The following AKT3 variants were observed in gnomAD, a reference collection of about 807,000 sequenced individuals.
AKT3 encodes AKT serine/threonine kinase 3, also known as RAC-gamma serine/threonine-protein kinase.
A neutral mutation model predicts 65.3 loss-of-function variants in AKT3; 15 were observed. The observed-to-expected ratio is 0.23, with a 90% confidence interval of 0.15 to 0.35. AKT3 has a LOEUF of 0.35. Among genes scored for constraint, AKT3 ranks in the 10% least tolerant of loss-of-function variants. The pLI is 1.00. For synonymous variants in AKT3, 206 were observed against 183.8 expected (o/e 1.12, Z -0.98); for missense variants, 243 against 576.5 (o/e 0.42, Z 5.92).
At chr1:243,615,225 A>G (rs2148607896) in intron 6 of AKT3, 64 bp from the exon 7 acceptor site, 1 of 1,280,546 alleles carries the variant, frequency 7.8e-7, no homozygotes, top group Non-Finnish European at 1.1e-6. Context: ...TAATTTCACT[A>G]TTTCTCTAAA....
intron 2 of AKT3, chr1:243,735,648 A>G (rs1341216910): frequency 6.6e-6 from 1 of 152,160 alleles, no homozygotes; most frequent in Admixed American, 6.5e-5. Context: ...TCTTACTATC[A>G]GTCATCACCA....
chr1:243,544,572 T>G (rs1303571151), intron 12 of AKT3, among the ~76,000 whole-genome samples: 1 of 152,108 alleles, frequency 6.6e-6, no homozygotes, highest in African/African-American at 2.4e-5. Context: ...GCTGTGATCG[T>G]GCCGTGCCAC....
At chr1:243,755,938 A>ATT (rs1392160951) in intron 2 of AKT3, among the ~76,000 whole-genome samples, 8 of 152,234 alleles carry the variant, frequency 5.3e-5, no homozygotes, top group Non-Finnish European at 1.2e-4. Flanking sequence ...AAGCTAGGAG[A>ATT]AAAGGGTCAA....
downstream of AKT3, among the ~76,000 whole-genome samples, chr1:243,494,927 CTTTATT>C (rs909828873): frequency 5.9e-5 from 9 of 152,228 alleles, no homozygotes; most frequent in Non-Finnish European, 1.2e-4. Context: ...TCAGTGTTGT[CTTTATT>C]TTTAACACTT....
chr1:243,708,777 A>G (rs991033143), intron 2 of AKT3, among the ~76,000 whole-genome samples: 2 of 152,034 alleles, frequency 1.3e-5, no homozygotes, highest in African/African-American at 4.8e-5. Context: ...TAAATATACA[A>G]TCTTTCAGTA....
At chr1:243,606,776 C>G (rs1176586357) in intron 8 of AKT3, among the ~76,000 whole-genome samples, 1 of 152,208 alleles carries the variant, frequency 6.6e-6, no homozygotes, top group East Asian at 1.9e-4. Context: ...GCCCAGAGGC[C>G]TAGGAGGGAA....
intron 12 of AKT3, among the ~76,000 whole-genome samples, chr1:243,545,308 G>C (rs910974315): frequency 1.3e-5 from 2 of 152,134 alleles, no homozygotes; most frequent in Non-Finnish European, 2.9e-5. Flanking sequence ...TGATCATGTT[G>C]AGCAAAATCT....
At chr1:243,513,243 C>T (rs1408728341) in intron 12 of AKT3, among the ~76,000 whole-genome samples, 1 of 152,158 alleles carries the variant, frequency 6.6e-6, no homozygotes, top group Non-Finnish European at 1.5e-5. Context: ...TCCTGCTTCT[C>T]AGGGCTCTAG....
intron 8 of AKT3, among the ~76,000 whole-genome samples, chr1:243,579,623 C>G (rs927915175): frequency 1.3e-5 from 2 of 152,068 alleles, no homozygotes; most frequent in Admixed American, 1.3e-4. Flanking sequence ...TGAGGTGAGC[C>G]AAGGTATTAT....
intron 12 of AKT3, among the ~76,000 whole-genome samples, chr1:243,527,471 C>A (rs1671186637): frequency 6.6e-6 from 1 of 152,228 alleles, no homozygotes; most frequent in African/African-American, 2.4e-5. Context: ...TTATATAATA[C>A]TTATATAATT....
chr1:243,613,166 T>C, intron 8 of AKT3: 1 of 121,356 alleles, frequency 8.2e-6, no homozygotes, highest in East Asian at 2.2e-4. Flanking sequence ...TATACACATA[T>C]ATATACACCC....
intron 2 of AKT3, among the ~76,000 whole-genome samples, chr1:243,767,090 A>G (rs960923554): frequency 6.6e-6 from 1 of 152,196 alleles, no homozygotes; most frequent in African/African-American, 2.4e-5. Context: ...CCATGACAGC[A>G]GAAGAGCTAA....
intron 4 of AKT3, among the ~76,000 whole-genome samples, chr1:243,662,009 C>A (rs1432001271): frequency 6.9e-6 from 1 of 144,728 alleles, no homozygotes. Context: ...CAATGAGATA[C>A]CATCTCACAC....
At chr1:243,560,723 C>A (rs370394833) in intron 10 of AKT3, among the ~76,000 whole-genome samples, 3 of 152,222 alleles carry the variant, frequency 2.0e-5, no homozygotes. Flanking sequence ...ACTTTCCATT[C>A]AGAAACAAGT....
intron 12 of AKT3, among the ~76,000 whole-genome samples, chr1:243,512,814 G>A (rs1670101248): frequency 1.3e-5 from 2 of 152,198 alleles, no homozygotes; most frequent in Admixed American, 1.3e-4. Flanking sequence ...GCTGAAGAGG[G>A]TAGTAATAAA....
At chr1:243,702,475 T>C (rs1054226223) in intron 2 of AKT3, among the ~76,000 whole-genome samples, 3 of 152,182 alleles carry the variant, frequency 2.0e-5, no homozygotes, top group African/African-American at 7.2e-5. Context: ...ACCAAAGGGT[T>C]TTTGTAAGGA....
At chr1:243,550,495 A>G (rs1014360408) in intron 11 of AKT3, among the ~76,000 whole-genome samples, 5 of 152,126 alleles carry the variant, frequency 3.3e-5, no homozygotes, top group African/African-American at 1.2e-4. Flanking sequence ...TGAGACATAC[A>G]CATGAAAACC....
chr1:243,545,963 A>G (rs1672642464), intron 11 of AKT3, among the ~76,000 whole-genome samples: 1 of 152,170 alleles, frequency 6.6e-6, no homozygotes, highest in Non-Finnish European at 1.5e-5. Context: ...TAGAAACAAC[A>G]TAGGAATATG....
intron 12 of AKT3, among the ~76,000 whole-genome samples, chr1:243,536,185 T>C (rs1671913810): frequency 1.3e-5 from 2 of 152,218 alleles, no homozygotes; most frequent in South Asian, 4.1e-4. Flanking sequence ...GTCTATTTAC[T>C]TTGTTGATGA....
Sources: gnomAD v4.1 joint callset for allele counts (sites outside exome capture counted in the v4.1 genomes callset) on GRCh38, gnomAD v4.1.1 for gene constraint, MANE v1.5 for transcripts, NCBI Gene and HGNC (gene_info 2026-07-23, HGNC 2026-07-21) for gene names.